Variants in SCFD2 observed in about 807,000 individuals in gnomAD.
SCFD2 encodes sec1 family domain-containing protein 2.
In SCFD2, 54 loss-of-function variants were observed where a neutral mutation model predicts 58.9. That is an observed-to-expected ratio of 0.92 (90% confidence interval 0.74 to 1.15). The LOEUF (loss-of-function observed/expected upper bound fraction) is 1.15, where lower values mean the gene tolerates loss of function less well. Among genes scored for constraint, SCFD2 ranks in the 50% most tolerant of loss-of-function variants. SCFD2 has a pLI of 0.00. For missense variants in SCFD2, 805 were observed against 836.6 expected (o/e 0.96, Z 0.47); for synonymous variants, 321 against 335.9 (o/e 0.96, Z 0.49).
intron 5 of SCFD2, among the ~76,000 whole-genome samples, chr4:53,091,307 G>A (rs1375822225): frequency 6.6e-6 from 1 of 151,618 alleles, no homozygotes; most frequent in Non-Finnish European, 1.5e-5. Context: ...GAAGAGAGCT[G>A]TCTCCCACTA....
chr4:52,954,013 C>T (rs545298358), intron 5 of SCFD2, among the ~76,000 whole-genome samples: 2 of 152,330 alleles, frequency 1.3e-5, no homozygotes, highest in South Asian at 4.1e-4. Flanking sequence ...CCTTACCTTT[C>T]TGTGCCTCTG....
At chr4:53,022,683 A>G (rs886691092) in intron 5 of SCFD2, among the ~76,000 whole-genome samples, 1 of 152,226 alleles carries the variant, frequency 6.6e-6, no homozygotes, top group East Asian at 1.9e-4. Context: ...TTCCTGCCAG[A>G]CTACCTCACA....
intron 4 of SCFD2, among the ~76,000 whole-genome samples, chr4:53,199,675 T>C (rs935762779): frequency 1.3e-5 from 2 of 152,050 alleles, no homozygotes; most frequent in Admixed American, 6.6e-5. Context: ...CAAGACTTGA[T>C]GAACTTCCCA....
At chr4:53,313,109 T>C (rs1732739611) in intron 3 of SCFD2, among the ~76,000 whole-genome samples, 2 of 151,868 alleles carry the variant, frequency 1.3e-5, no homozygotes, top group Admixed American at 6.6e-5. Flanking sequence ...AAACAAGAAA[T>C]AGAAAAATTA....
intron 5 of SCFD2, among the ~76,000 whole-genome samples, chr4:53,068,909 A>G (rs755069744): frequency 3.9e-5 from 6 of 152,098 alleles, no homozygotes; most frequent in Admixed American, 6.6e-5. Flanking sequence ...GCACAGTCCA[A>G]GGCCAGCAAA....
At chr4:53,210,457 G>A (rs958631503) in intron 4 of SCFD2, among the ~76,000 whole-genome samples, 8 of 152,178 alleles carry the variant, frequency 5.3e-5, no homozygotes, top group Middle Eastern at 3.4e-3. Flanking sequence ...ATAGAGTGAA[G>A]TCTTCCAGAA....
At chr4:52,890,133 GTTGT>G (rs1286520047) in intron 7 of SCFD2, among the ~76,000 whole-genome samples, 3 of 152,164 alleles carry the variant, frequency 2.0e-5, no homozygotes, top group Non-Finnish European at 4.4e-5. Flanking sequence ...ACAAACAATT[GTTGT>G]TTCTCAGTTA....
intron 7 of SCFD2, among the ~76,000 whole-genome samples, chr4:52,894,899 C>T (rs779010011): frequency 9.9e-5 from 15 of 152,084 alleles, no homozygotes; most frequent in Non-Finnish European, 1.6e-4. Flanking sequence ...GTTTCTTATC[C>T]GGAAGTATTT....
chr4:52,962,271 TG>T lies in SCFD2; in HGVS notation c.1562-41402del, dbSNP rs568288598. ...AGATTTGGCACTGAAGGGAGCTCTCTGTTCTAAGCAGCTTCAGAGGGTACTT... is the reference window on the plus strand; with the variant it reads ...AGATTTGGCACTGAAGGGAGCTCTCTTTCTAAGCAGCTTCAGAGGGTACTT... On this transcript the variant is annotated intron_variant, in intron 5 of 8. Coordinates refer to ENST00000401642, the MANE Select transcript of SCFD2 (RefSeq NM_152540.4). Among the ~76,000 whole-genome samples the T allele has an allele frequency of 1.3e-3, 197 of 152,330 alleles. 1 individual carries two copies. The highest frequency in any genetic ancestry group is 4.5e-3 in the African/African-American group (186 of 41,590).
intron 5 of SCFD2, among the ~76,000 whole-genome samples, chr4:53,130,217 A>G (rs1343572594): frequency 6.6e-6 from 1 of 152,190 alleles, no homozygotes; most frequent in Admixed American, 6.5e-5. Context: ...TATAAACATA[A>G]AGAGAGATGT....
intron 5 of SCFD2, among the ~76,000 whole-genome samples, chr4:53,016,439 CT>C (rs1722215663): frequency 6.6e-6 from 1 of 152,176 alleles, no homozygotes; most frequent in Non-Finnish European, 1.5e-5. Context: ...CTGACCTGTG[CT>C]ATTTCGTTTT....
intron 5 of SCFD2, among the ~76,000 whole-genome samples, chr4:53,082,625 C>T (rs1159280023): frequency 6.6e-6 from 1 of 151,924 alleles, no homozygotes; most frequent in Non-Finnish European, 1.5e-5. Flanking sequence ...GAATTGGTAG[C>T]CTGAGGAAAG....
intron 4 of SCFD2, among the ~76,000 whole-genome samples, chr4:53,203,243 T>C (rs999581982): frequency 2.6e-5 from 4 of 152,210 alleles, no homozygotes; most frequent in African/African-American, 9.6e-5. Context: ...TGAAGGGTTG[T>C]TGAATTTTGT....
At chr4:52,956,321 G>A (rs1391787232) in intron 5 of SCFD2, 2 of 452,246 alleles carry the variant, frequency 4.4e-6, no homozygotes, top group African/African-American at 2.0e-5. Flanking sequence ...GTGGCTTCAT[G>A]ACAGAGGTCA....
intron 5 of SCFD2, among the ~76,000 whole-genome samples, chr4:52,972,021 G>A (rs1317532647): frequency 6.6e-6 from 1 of 152,034 alleles, no homozygotes; most frequent in Non-Finnish European, 1.5e-5. Context: ...AGGAAGCACT[G>A]AACATGGAAA....
At chr4:53,339,339 A>AT (rs1406331725) in intron 2 of SCFD2, among the ~76,000 whole-genome samples, 24 of 150,520 alleles carry the variant, frequency 1.6e-4, no homozygotes, top group Admixed American at 2.7e-4. Flanking sequence ...ATATGTATAC[A>AT]TATTATATGT....
intron 5 of SCFD2, among the ~76,000 whole-genome samples, chr4:53,083,101 G>C (rs1437906870): frequency 6.6e-6 from 1 of 152,060 alleles, no homozygotes; most frequent in East Asian, 1.9e-4. Context: ...AAAAATGTGG[G>C]AACAGCCTTG....
chr4:53,184,437 C>G (rs891620549), intron 4 of SCFD2, among the ~76,000 whole-genome samples: 12 of 152,052 alleles, frequency 7.9e-5, no homozygotes, highest in African/African-American at 2.9e-4. Context: ...TTTCGGACCA[C>G]AAAATGGATA....
At chr4:52,962,153 C>A (rs1349140470) in intron 5 of SCFD2, among the ~76,000 whole-genome samples, 2 of 152,196 alleles carry the variant, frequency 1.3e-5, no homozygotes, top group African/African-American at 2.4e-5. Flanking sequence ...ATTCTTTAAT[C>A]TCCCTGCATA....
Sources: gnomAD v4.1 joint callset for allele counts (sites outside exome capture counted in the v4.1 genomes callset) on GRCh38, gnomAD v4.1.1 for gene constraint, MANE v1.5 for transcripts, NCBI Gene and HGNC (gene_info 2026-07-23, HGNC 2026-07-21) for gene names.